SLC44A3: variants seen among roughly 807,000 people sequenced by gnomAD.
SLC44A3 encodes the protein solute carrier family 44 member 3.
In SLC44A3, 74 loss-of-function variants were observed where a neutral mutation model predicts 75.4. The observed-to-expected ratio is 0.98, with a 90% CI of 0.81 to 1.19. SLC44A3 has a LOEUF of 1.19. Ranked by LOEUF, SLC44A3 falls within the 50% of genes most tolerant of loss-of-function variation. SLC44A3 has a pLI of 0.00. For missense variants in SLC44A3, 700 were observed against 778.6 expected (o/e 0.90, Z 1.20); for synonymous variants, 310 against 296.9 (o/e 1.04, Z -0.45).
At chr1:94,849,299 A>G (rs1346497093) in intron 9 of SLC44A3, among the ~76,000 whole-genome samples, 1 of 152,176 alleles carries the variant, frequency 6.6e-6, no homozygotes, top group Non-Finnish European at 1.5e-5. Flanking sequence ...ATCTATGAGC[A>G]GGTCGATTTT....
At chr1:94,844,708 G>C (rs564161923) in intron 8 of SLC44A3, among the ~76,000 whole-genome samples, 1 of 152,168 alleles carries the variant, frequency 6.6e-6, no homozygotes, top group Non-Finnish European at 1.5e-5. Context: ...GAATGAGTTG[G>C]GGTATGGAAA....
At position 94,842,088 on chromosome 1, in the gene SLC44A3, C is replaced by A. The variant is rs139808239; in HGVS notation, c.849C>A (p.Cys283Ter). ...ACACAGAAAGGGAAAATATGAAGTG[C>A]GTGCTGGGGTTTGCTATCGTATCCA... ...ELDTERENMK[C>*]VLGFAIVSTG... Residue 283 changes from cysteine (C) to a stop codon, truncating the protein, a stop_gained, in exon 8 of 15, where the codon TGC (cysteine) becomes TGA (stop). Coordinates refer to ENST00000271227, the MANE Select transcript of SLC44A3 (RefSeq NM_001114106.3). LOFTEE classifies it high-confidence loss of function. 28 of 1,612,628 alleles carry A rather than the reference C, an allele frequency of 1.7e-5. No homozygotes were observed. The highest frequency in any genetic ancestry group is 2.2e-5 in the Non-Finnish European group (26 of 1,179,438).
chr1:94,894,935 GTA>G lies in SLC44A3; in HGVS notation c.*15_*16del. ...CATTGTGAGATAGATACCCATTTAG[GTA>G]TCTGTACCTGGAAAACATTTCCTTC... is the stretch of plus-strand genomic sequence containing the variant. On this transcript the variant is annotated 3_prime_UTR_variant, in exon 15 of 15. Coordinates refer to ENST00000271227, the MANE Select transcript of SLC44A3 (RefSeq NM_001114106.3). 6.3e-7 allele frequency: 1 copy of G among 1,589,290 alleles called. No homozygotes were observed. The highest frequency in any genetic ancestry group is 8.6e-7 in the Non-Finnish European group (1 of 1,162,518).
chr1:94,830,656 G>C (rs1451430394), intron 5 of SLC44A3, among the ~76,000 whole-genome samples: 9 of 152,142 alleles, frequency 5.9e-5, no homozygotes, highest in Admixed American at 4.6e-4. Flanking sequence ...TTAGTAATAG[G>C]TGGAAGGAAA....
At position 94,892,424 on chromosome 1, in the gene SLC44A3, T is replaced by A. The variant is rs766259261; in HGVS notation, c.1764T>A (p.Thr588=). ...VAHSFLSVFE[T]VLDALFLCFA... The stretch of plus-strand genomic sequence containing the variant: ...ATAGTTTTTTATCTGTGTTTGAAAC[T>A]GTGCTGGATGCACTTTTCCTGTGTT... The change falls in exon 14 of 15, where the codon ACT becomes ACA. Residue 588 remains threonine, a synonymous_variant. Transcript: ENST00000271227. 9.3e-6 allele frequency: 15 copies of A among 1,614,120 alleles called. No individual in the cohort carries two copies.
At chr1:94,881,433 G>A (rs550736093) in intron 12 of SLC44A3, among the ~76,000 whole-genome samples, 3 of 152,328 alleles carry the variant, frequency 2.0e-5, no homozygotes, top group African/African-American at 7.2e-5. Context: ...GGCCAGGCGC[G>A]GTGGCTGATG....
At chr1:94,889,093 C>G (rs1236145085) in intron 12 of SLC44A3, 1 of 152,050 alleles carries the variant, frequency 6.6e-6, no homozygotes, top group African/African-American at 2.4e-5. Context: ...AAACATTCTT[C>G]TCTTGCTGGC....
At chr1:94,875,267 A>G (rs1557873604) in intron 12 of SLC44A3, among the ~76,000 whole-genome samples, 1 of 152,150 alleles carries the variant, frequency 6.6e-6, no homozygotes, top group African/African-American at 2.4e-5. Flanking sequence ...CAGAAACCCA[A>G]AGCCAGGGAA....
Position 94,895,058 on chromosome 1 carries a change from C to A in SLC44A3, c.*136C>A. On this transcript the variant is annotated 3_prime_UTR_variant, in exon 15 of 15. Transcript: ENST00000271227. ...AATAAACCCTATTCTTCCTCATTGTCTTTGTCATTATTGTTTGACCAGGTA... is the reference window on the plus strand; with the variant it reads ...AATAAACCCTATTCTTCCTCATTGTATTTGTCATTATTGTTTGACCAGGTA... 1 of 622,376 alleles carries A rather than the reference C, an allele frequency of 1.6e-6. No homozygotes were observed. Among genetic ancestry groups the A allele is most frequent in the Non-Finnish European group, 2.8e-6 (1 of 353,624 alleles). 38.6% of individuals were successfully genotyped at this position (622,376 alleles called of 1,614,324 possible).
chr1:94,843,373 A>T (rs1663925858), intron 8 of SLC44A3: 1 of 152,212 alleles, frequency 6.6e-6, no homozygotes, highest in African/African-American at 2.4e-5. Context: ...CGGTTGCTAG[A>T]TGAGCTAGTT....
chr1:94,846,096 G>A (rs1320978414), intron 9 of SLC44A3, among the ~76,000 whole-genome samples: 7 of 149,866 alleles, frequency 4.7e-5, no homozygotes, highest in East Asian at 2.0e-4. Context: ...GCAGTGAGCC[G>A]AGATTGCGCC....
chr1:94,825,735 A>G, intron 3 of SLC44A3: 1 of 404,568 alleles, frequency 2.5e-6, no homozygotes, highest in Non-Finnish European at 4.9e-6. Flanking sequence ...TACAAATCTC[A>G]GACTAAGCCT....
intron 12 of SLC44A3, among the ~76,000 whole-genome samples, chr1:94,874,140 T>A (rs1281729741): frequency 6.6e-6 from 1 of 152,232 alleles, no homozygotes; most frequent in Admixed American, 6.5e-5. Context: ...CACACCCAGC[T>A]GTTGTGTGGC....
chr1:94,849,426 G>T (rs1239983311), intron 9 of SLC44A3, among the ~76,000 whole-genome samples: 1 of 152,078 alleles, frequency 6.6e-6, no homozygotes, highest in South Asian at 2.1e-4. Flanking sequence ...GCCTGTGGCC[G>T]ACCCAGGTGC....
At chr1:94,864,219 A>G (rs772371893) in intron 10 of SLC44A3, among the ~76,000 whole-genome samples, 1 of 152,134 alleles carries the variant, frequency 6.6e-6, no homozygotes, top group African/African-American at 2.4e-5. Context: ...AACCAGCAGG[A>G]TTTGGGGAGC....
chr1:94,843,609 G>A (rs1009160286), intron 8 of SLC44A3: 7 of 152,228 alleles, frequency 4.6e-5, no homozygotes, highest in African/African-American at 1.7e-4. Context: ...AAGAGAAAGA[G>A]CATCTCAGGC....
At chr1:94,858,118 C>T (rs987820877) in intron 10 of SLC44A3, among the ~76,000 whole-genome samples, 2 of 151,788 alleles carry the variant, frequency 1.3e-5, no homozygotes, top group Non-Finnish European at 2.9e-5. Context: ...GGCTGCCATT[C>T]TTTTAATATT....
chr1:94,820,568 C>A, intron 1 of SLC44A3, 90 bp downstream of exon 1: 1 of 1,435,326 alleles, frequency 7.0e-7, no homozygotes, highest in Admixed American at 2.4e-5. Flanking sequence ...CCGGACGCTT[C>A]CGCCTTTCCC....
intron 2 of SLC44A3, among the ~76,000 whole-genome samples, chr1:94,823,830 C>A (rs1351273753): frequency 6.6e-6 from 1 of 152,090 alleles, no homozygotes; most frequent in Non-Finnish European, 1.5e-5. Flanking sequence ...TGGCAGAGAG[C>A]CTGTCAGTAT....
Sources: gnomAD v4.1 joint callset for allele counts (sites outside exome capture counted in the v4.1 genomes callset) on GRCh38, gnomAD v4.1.1 for gene constraint, MANE v1.5 for transcripts, NCBI Gene and HGNC (gene_info 2026-07-23, HGNC 2026-07-21) for gene names.